VWA3B: variants seen among roughly 807,000 people sequenced by gnomAD.
The protein encoded by VWA3B is von Willebrand factor A domain containing 3B, also known as von Willebrand factor A domain-containing protein 3B.
In VWA3B, 138 loss-of-function variants were observed where a neutral mutation model predicts 158.3. The observed-to-expected ratio is 0.87, with a 90% CI of 0.76 to 1.00. VWA3B has a LOEUF of 1.00. Ranked by LOEUF, VWA3B falls within the 50% of genes least tolerant of loss-of-function variation. VWA3B has a pLI of 0.00. For synonymous variants in VWA3B, 596 were observed against 587.3 expected (o/e 1.01, Z -0.21); for missense variants, 1,555 against 1,565.1 (o/e 0.99, Z 0.11).
At chr2:98,284,691 T>A (rs966637376) in intron 22 of VWA3B, among the ~76,000 whole-genome samples, 3 of 152,218 alleles carry the variant, frequency 2.0e-5, no homozygotes, top group Non-Finnish European at 4.4e-5. Context: ...GGACTTTGTG[T>A]CATGGAGAAG....
intron 26 of VWA3B, among the ~76,000 whole-genome samples, chr2:98,311,260 T>C (rs1381405588): frequency 1.3e-5 from 2 of 152,258 alleles, no homozygotes; most frequent in East Asian, 1.9e-4. Context: ...ACAGCACTTC[T>C]GGGTAAATAA....
At chr2:98,230,929 G>A (rs923495753) in intron 16 of VWA3B, among the ~76,000 whole-genome samples, 1 of 152,184 alleles carries the variant, frequency 6.6e-6, no homozygotes, top group African/African-American at 2.4e-5. Flanking sequence ...ACAAGTCCTA[G>A]AGCTACTGAG....
chr2:98,309,537 A>C (rs1239856451), intron 26 of VWA3B, among the ~76,000 whole-genome samples: 1 of 152,210 alleles, frequency 6.6e-6, no homozygotes, highest in Non-Finnish European at 1.5e-5. Flanking sequence ...TCTTTTGAGC[A>C]GTTGAGGAAC....
intron 12 of VWA3B, chr2:98,206,672 A>G: frequency 2.9e-6 from 1 of 346,866 alleles, no homozygotes; most frequent in South Asian, 2.9e-5. Context: ...GTTCATGGAA[A>G]TTAGCGTTGA....
chr2:98,209,731 C>G (rs139278535), intron 12 of VWA3B, among the ~76,000 whole-genome samples: 1 of 152,170 alleles, frequency 6.6e-6, no homozygotes, highest in Non-Finnish European at 1.5e-5. Context: ...GTATTGGCAT[C>G]AGTGGGTTGC....
intron 9 of VWA3B, among the ~76,000 whole-genome samples, chr2:98,183,133 G>T (rs187702642): frequency 1.4e-3 from 212 of 149,514 alleles, no homozygotes; most frequent in Non-Finnish European, 2.4e-3. Flanking sequence ...ATTTTTTTGT[G>T]CTAGTCAACT....
At chr2:98,262,884 TTTTAACAATTAAGTC>T (rs1452685555) in intron 21 of VWA3B, among the ~76,000 whole-genome samples, 4 of 151,952 alleles carry the variant, frequency 2.6e-5, no homozygotes, top group African/African-American at 4.8e-5. Flanking sequence ...AGTATGGACA[TTTTAACAATTAAGTC>T]TTTCAATCCA....
intron 10 of VWA3B, 118 bp downstream of exon 10, chr2:98,188,247 G>T: frequency 2.3e-6 from 3 of 1,287,850 alleles, no homozygotes; most frequent in Non-Finnish European, 1.1e-6. Flanking sequence ...ACCTATTTAT[G>T]TGATACAGAG....
chr2:98,093,745 G>C (rs554506739), intron 2 of VWA3B, among the ~76,000 whole-genome samples: 3 of 152,146 alleles, frequency 2.0e-5, no homozygotes, highest in African/African-American at 7.2e-5. Flanking sequence ...CTCTTGACTA[G>C]ATGTCCTAAT....
chr2:98,195,869 A>G (rs1681997247), intron 12 of VWA3B, among the ~76,000 whole-genome samples: 1 of 152,194 alleles, frequency 6.6e-6, no homozygotes. Flanking sequence ...TCCAAAATTC[A>G]TTTTCAAAAG....
intron 22 of VWA3B, among the ~76,000 whole-genome samples, chr2:98,273,208 CTT>C (rs558546191): frequency 3.6e-4 from 55 of 152,340 alleles, no homozygotes; most frequent in Admixed American, 3.1e-3. Context: ...TTGGTTCAGT[CTT>C]TGCCAAGTGA....
intron 17 of VWA3B, among the ~76,000 whole-genome samples, chr2:98,235,423 C>A (rs1385659407): frequency 6.6e-6 from 1 of 151,562 alleles, no homozygotes; most frequent in Non-Finnish European, 1.5e-5. Flanking sequence ...GATATCTTTT[C>A]CTCACTTTTT....
intron 7 of VWA3B, among the ~76,000 whole-genome samples, chr2:98,144,812 C>G (rs950021329): frequency 1.2e-4 from 10 of 86,912 alleles, no homozygotes; most frequent in African/African-American, 1.0e-3. Context: ...GGTGATTCAC[C>G]CACCTCGGCC....
chr2:98,093,097 A>G lies in VWA3B; in HGVS notation c.5A>G (p.Glu2Gly). MEKSGPSSTISE... is the reference protein window; with the variant it reads MGKSGPSSTISE... ...GACTTAGATCTTGATTCAGAGATGG[A>G]GAAATCAGGCCCATCTTCTACCATC... The change falls in exon 2 of 28, where the codon GAG becomes GGG. Residue 2 changes from glutamate to glycine, a missense_variant. Glu to Gly is a moderately conservative substitution (Grantham distance 98, BLOSUM62 -2). Coordinates refer to ENST00000477737, the MANE Select transcript of VWA3B (RefSeq NM_144992.5). The G allele has an allele frequency of 6.2e-7, 1 of 1,613,302 alleles. No homozygotes were observed. Among genetic ancestry groups the G allele is most frequent in the South Asian group, 1.1e-5 (1 of 91,030 alleles).
At chr2:98,153,316 C>G (rs764733380) in intron 7 of VWA3B, among the ~76,000 whole-genome samples, 5 of 152,180 alleles carry the variant, frequency 3.3e-5, no homozygotes, top group African/African-American at 7.2e-5. Context: ...GTCCAGTACT[C>G]CTGGCAAATG....
intron 25 of VWA3B, among the ~76,000 whole-genome samples, chr2:98,301,983 C>T (rs1255549795): frequency 2.6e-5 from 4 of 152,170 alleles, no homozygotes; most frequent in Middle Eastern, 3.4e-3. Flanking sequence ...TATCAGTTTA[C>T]GAAACTGATG....
intron 21 of VWA3B, among the ~76,000 whole-genome samples, chr2:98,266,015 G>T (rs1364506524): frequency 2.0e-5 from 3 of 146,508 alleles, no homozygotes; most frequent in African/African-American, 7.6e-5. Flanking sequence ...TCTGATGGTA[G>T]TTTCTTTTGC....
chr2:98,190,912 T>C (rs1681520148), intron 10 of VWA3B, among the ~76,000 whole-genome samples: 1 of 152,178 alleles, frequency 6.6e-6, no homozygotes, highest in Admixed American at 6.5e-5. Flanking sequence ...AACATTGTGG[T>C]CATATTTTCT....
At chr2:98,090,889 G>A (rs1275636257) in intron 1 of VWA3B, among the ~76,000 whole-genome samples, 1 of 151,094 alleles carries the variant, frequency 6.6e-6, no homozygotes, top group East Asian at 1.9e-4. Flanking sequence ...TCGAGTAGCT[G>A]GGACTACAGG....
Sources: allele counts gnomAD v4.1 joint callset (sites outside exome capture counted in the v4.1 genomes callset), GRCh38; gene constraint gnomAD v4.1.1; transcripts MANE v1.5; gene names NCBI Gene and HGNC (gene_info 2026-07-23, HGNC 2026-07-21).